Variants in PTPRG observed in about 807,000 individuals in gnomAD.
The protein encoded by PTPRG is receptor-type tyrosine-protein phosphatase gamma.
PTPRG carries 102 observed loss-of-function variants against 165.3 expected under a neutral mutation model. The ratio of observed to expected loss-of-function variants is 0.62; its 90% confidence interval spans 0.53 to 0.73. PTPRG has a LOEUF of 0.73. PTPRG is among the 30% of genes least tolerant of loss of function. The pLI, the probability that PTPRG is intolerant of heterozygous loss-of-function variation, is 0.00. For synonymous variants in PTPRG, 675 were observed against 669.5 expected (o/e 1.01, Z -0.13); for missense variants, 1,866 against 1,861.4 (o/e 1.00, Z -0.05).
At chr3:62,118,605 G>GT (rs1380190126) in intron 5 of PTPRG, 1 of 152,122 alleles carries the variant, frequency 6.6e-6, no homozygotes, top group African/African-American at 2.4e-5. Flanking sequence ...TAAATTTTAT[G>GT]TTTTTTGCTT....
intron 1 of PTPRG, among the ~76,000 whole-genome samples, chr3:61,664,077 T>C (rs1252121972): frequency 5.3e-5 from 8 of 152,206 alleles, no homozygotes; most frequent in Non-Finnish European, 1.2e-4. Flanking sequence ...GTTTTGATCA[T>C]GTACTTTCTG....
chr3:62,076,606 A>T (rs1575972425), intron 4 of PTPRG, among the ~76,000 whole-genome samples: 1 of 143,972 alleles, frequency 6.9e-6, no homozygotes. Flanking sequence ...TTCGAGACAG[A>T]GTTTTGCTCT....
chr3:61,917,430 C>T (rs1039669945), intron 2 of PTPRG, among the ~76,000 whole-genome samples: 17 of 152,132 alleles, frequency 1.1e-4, no homozygotes, highest in Admixed American at 2.6e-4. Flanking sequence ...AACTCATATT[C>T]GTCTTGCAGG....
Position 62,183,069 on chromosome 3 carries a change from G to A in PTPRG, c.1034-8400G>A, listed in dbSNP as rs191552738. On this transcript the variant is annotated intron_variant, in intron 8 of 29. Coordinates refer to ENST00000474889, the MANE Select transcript of PTPRG (RefSeq NM_002841.4). ...AGCTTTATCCAAGGCCACACAACTG[G>A]TTTGTCTAAAACCAAAGCAGTCTGA... Among the ~76,000 whole-genome samples, 46 of 152,322 alleles carry A rather than the reference G, an allele frequency of 3.0e-4. No homozygotes were observed. In the East Asian group the frequency reaches 7.5e-3, roughly 25 times the overall value.
At chr3:61,783,194 G>A (rs2107090043) in intron 2 of PTPRG, among the ~76,000 whole-genome samples, 1 of 152,230 alleles carries the variant, frequency 6.6e-6, no homozygotes, top group Admixed American at 6.5e-5. Flanking sequence ...ATAAAAATTA[G>A]TTGGACATGG....
At chr3:61,811,147 G>A (rs2035561540) in intron 2 of PTPRG, among the ~76,000 whole-genome samples, 1 of 152,062 alleles carries the variant, frequency 6.6e-6, no homozygotes, top group South Asian at 2.1e-4. Context: ...GCTGAACTTT[G>A]GGCTGGGTTT....
chr3:61,731,791 G>A (rs2032512073), intron 1 of PTPRG, among the ~76,000 whole-genome samples: 1 of 151,798 alleles, frequency 6.6e-6, no homozygotes, highest in Admixed American at 6.6e-5. Context: ...GAACTGCATA[G>A]GTACTTTTTT....
intron 1 of PTPRG, among the ~76,000 whole-genome samples, chr3:61,653,456 A>T (rs1702416214): frequency 2.3e-5 from 1 of 43,568 alleles, no homozygotes; most frequent in African/African-American, 8.5e-5. Context: ...TGGACATTTT[A>T]TTTGTTTTCA....
chr3:62,064,875 G>T (rs1700957199), intron 4 of PTPRG, among the ~76,000 whole-genome samples: 1 of 151,860 alleles, frequency 6.6e-6, no homozygotes, highest in African/African-American at 2.4e-5. Context: ...GTGATTACAG[G>T]CGCGTGCCAC....
intron 2 of PTPRG, among the ~76,000 whole-genome samples, chr3:61,819,772 T>C (rs2035899200): frequency 6.6e-6 from 1 of 152,172 alleles, no homozygotes; most frequent in South Asian, 2.1e-4. Context: ...AAAATGTTTT[T>C]AGCACAAAAA....
At chr3:61,948,997 A>G (rs1216558455) in intron 2 of PTPRG, among the ~76,000 whole-genome samples, 4 of 144,578 alleles carry the variant, frequency 2.8e-5, no homozygotes, top group Admixed American at 2.8e-4. Flanking sequence ...AACTGCTGAC[A>G]CTCCAAGGAA....
At chr3:61,976,504 C>T (rs2040509833) in intron 2 of PTPRG, among the ~76,000 whole-genome samples, 1 of 152,164 alleles carries the variant, frequency 6.6e-6, no homozygotes, top group Non-Finnish European at 1.5e-5. Context: ...TAATTGTTTA[C>T]TTGTACTAAT....
intron 1 of PTPRG, among the ~76,000 whole-genome samples, chr3:61,642,044 C>A (rs1702080801): frequency 6.6e-6 from 1 of 152,156 alleles, no homozygotes; most frequent in African/African-American, 2.4e-5. Context: ...CGCTGCAGGG[C>A]TCACCTGCAG....
At chr3:61,774,105 G>A (rs2034297036) in intron 2 of PTPRG, among the ~76,000 whole-genome samples, 2 of 152,122 alleles carry the variant, frequency 1.3e-5, no homozygotes, top group South Asian at 4.1e-4. Context: ...GGCTTAGAGA[G>A]TATCTAAGAG....
In PTPRG at chr3:62,273,723, C is replaced by G. The variant is rs1702147811; in HGVS notation, c.3344C>G (p.Ala1115Gly). 1.2e-6 allele frequency: 2 copies of G among 1,613,548 alleles called. No individual in the cohort carries two copies. Among genetic ancestry groups the G allele is most frequent in the East Asian group, 2.2e-5 (1 of 44,862 alleles). ...TEEQYIFIHD[A>G]LLEAILGKET... ...GAGCAGTACATTTTCATCCATGATG[C>G]CTTGTTGGAAGCCATTCTTGGAAAG... is the stretch of plus-strand genomic sequence containing the variant. Residue 1115 changes from alanine to glycine, a missense_variant, in exon 23 of 30, where the codon GCC becomes GGC. Ala to Gly is a moderately conservative substitution (Grantham distance 60). Coordinates refer to ENST00000474889, the MANE Select transcript of PTPRG (RefSeq NM_002841.4). This position sits in a 1 kb window ranked among gnomAD's most constrained non-coding sequence, Gnocchi z 4.1.
At position 62,255,051 on chromosome 3, in the gene PTPRG, C is replaced by A; in HGVS notation, c.2468-73C>A. The A allele has an allele frequency of 7.8e-7, 1 of 1,285,980 alleles. No individual in the cohort carries two copies. The highest frequency in any genetic ancestry group is 1.1e-6 in the Non-Finnish European group (1 of 910,166). 79.7% of individuals were successfully genotyped at this position (1,285,980 alleles called of 1,614,324 possible). On this transcript the variant is annotated intron_variant, in intron 15 of 29. Transcript: ENST00000474889. The surrounding 1 kb of genome is among the most constrained non-coding windows in gnomAD (Gnocchi z 4.0). Reference sequence around the variant, plus strand: ...AAATCAAGTATTTGTCTTAAGGATGCTTTGCTTTATCAGTGTAATTTGTTT... The same window carrying A: ...AAATCAAGTATTTGTCTTAAGGATGATTTGCTTTATCAGTGTAATTTGTTT...
chr3:62,006,812 T>C (rs1229551637), intron 4 of PTPRG, among the ~76,000 whole-genome samples: 1 of 152,162 alleles, frequency 6.6e-6, no homozygotes, highest in East Asian at 1.9e-4. Flanking sequence ...CATTCCAATG[T>C]AAAGGACAGC....
intron 12 of PTPRG, among the ~76,000 whole-genome samples, chr3:62,206,715 T>A (rs1700238146): frequency 6.6e-6 from 1 of 151,874 alleles, no homozygotes; most frequent in African/African-American, 2.4e-5. Flanking sequence ...GGTGGATCGC[T>A]TAAATCCAGA....
intron 7 of PTPRG, among the ~76,000 whole-genome samples, chr3:62,162,273 T>C (rs573296249): frequency 6.6e-6 from 1 of 152,350 alleles, no homozygotes; most frequent in East Asian, 1.9e-4. Flanking sequence ...CCAACACATT[T>C]GCAATTCAAG....
Sources: allele counts gnomAD v4.1 joint callset (sites outside exome capture counted in the v4.1 genomes callset), GRCh38; gene constraint gnomAD v4.1.1; non-coding constraint Gnocchi (gnomAD v3.1); transcripts MANE v1.5; gene names NCBI Gene and HGNC (gene_info 2026-07-23, HGNC 2026-07-21).